Variants in GSK3B observed in about 807,000 individuals in gnomAD.
The protein encoded by GSK3B is glycogen synthase kinase-3 beta.
In GSK3B, 15 loss-of-function variants were observed where a neutral mutation model predicts 56.4. That is an observed-to-expected ratio of 0.27 (90% CI 0.18 to 0.41). The LOEUF is 0.41. GSK3B is among the 10% of genes least tolerant of loss of function. The probability of loss-of-function intolerance (pLI) is 1.00; values close to 1 mark genes in which losing one functional copy is unlikely to be tolerated. For synonymous variants in GSK3B, 181 were observed against 188.9 expected (o/e 0.96, Z 0.34); for missense variants, 300 against 513.4 (o/e 0.58, Z 4.02).
chr3:119,875,451 GTCTC>G (rs1015269833), intron 8 of GSK3B, among the ~76,000 whole-genome samples: 2 of 151,408 alleles, frequency 1.3e-5, no homozygotes, highest in African/African-American at 4.9e-5. Context: ...AATACAGTAA[GTCTC>G]TCCTTAAAAT....
chr3:120,018,001 T>A (rs1359469597), intron 1 of GSK3B, among the ~76,000 whole-genome samples: 1 of 152,188 alleles, frequency 6.6e-6, no homozygotes, highest in African/African-American at 2.4e-5. Context: ...GAGAAGATAA[T>A]GCAGTTAAAA....
intron 2 of GSK3B, among the ~76,000 whole-genome samples, chr3:119,988,230 A>G (rs1425275555): frequency 3.3e-5 from 5 of 152,224 alleles, no homozygotes; most frequent in Non-Finnish European, 7.3e-5. Flanking sequence ...CAGGAGACCA[A>G]TCTTTTTAAT....
intron 1 of GSK3B, among the ~76,000 whole-genome samples, chr3:120,057,438 C>G (rs1212881554): frequency 6.6e-6 from 1 of 152,070 alleles, no homozygotes; most frequent in Non-Finnish European, 1.5e-5. Flanking sequence ...TAAAGTTCTG[C>G]TACGAAAATA....
chr3:119,910,093 A>G (rs2056720916), intron 6 of GSK3B, among the ~76,000 whole-genome samples: 1 of 152,196 alleles, frequency 6.6e-6, no homozygotes, highest in Admixed American at 6.5e-5. Flanking sequence ...AAATTATCCA[A>G]CTAGTATAAT....
chr3:120,093,448 G>A lies in GSK3B; in HGVS notation c.-14C>T, dbSNP rs1450025397. On this transcript the variant is annotated 5_prime_UTR_variant, in exon 1 of 11. Transcript: ENST00000264235. ...CCGCCCTGACATGATCACTCTCTTC[G>A]CGAATCACCTTTTCCTTCCTTCCTC... 2 of 1,570,780 alleles carry A rather than the reference G, an allele frequency of 1.3e-6. No homozygotes were observed. Among genetic ancestry groups the A allele is most frequent in the African/African-American group, 1.4e-5 (1 of 74,068 alleles).
intron 1 of GSK3B, among the ~76,000 whole-genome samples, chr3:120,088,234 T>C (rs1199883058): frequency 2.6e-5 from 4 of 152,144 alleles, no homozygotes; most frequent in African/African-American, 9.7e-5. Flanking sequence ...TCAAATGCAT[T>C]ACAGACACAA....
chr3:120,070,291 A>G (rs1176196725), intron 1 of GSK3B, among the ~76,000 whole-genome samples: 1 of 151,658 alleles, frequency 6.6e-6, no homozygotes, highest in Non-Finnish European at 1.5e-5. Context: ...AAAAAAAAAG[A>G]GGATATAGAA....
intron 1 of GSK3B, among the ~76,000 whole-genome samples, chr3:120,032,645 C>G (rs1407343248): frequency 6.6e-6 from 1 of 152,076 alleles, no homozygotes; most frequent in African/African-American, 2.4e-5. Flanking sequence ...GAAACCCCTT[C>G]TCTAAAAAAT....
At chr3:120,076,894 C>G (rs925828972) in intron 1 of GSK3B, among the ~76,000 whole-genome samples, 1 of 145,086 alleles carries the variant, frequency 6.9e-6, no homozygotes, top group Non-Finnish European at 1.5e-5. Context: ...AAACGGCCAA[C>G]AGGTATATGA....
chr3:120,080,769 T>G (rs981563864), intron 1 of GSK3B, among the ~76,000 whole-genome samples: 1 of 151,684 alleles, frequency 6.6e-6, no homozygotes, highest in Non-Finnish European at 1.5e-5. Context: ...AGGCAGAGAT[T>G]GCAGTGAGCC....
chr3:119,842,497 G>A (rs148879946), intron 10 of GSK3B, among the ~76,000 whole-genome samples: 1 of 151,760 alleles, frequency 6.6e-6, no homozygotes, highest in African/African-American at 2.4e-5. Flanking sequence ...ATTTACATTC[G>A]AGGGGAAAAA....
chr3:119,863,672 G>A, intron 8 of GSK3B, 67 bp from the exon 9 acceptor site: 3 of 957,486 alleles, frequency 3.1e-6, no homozygotes, highest in Non-Finnish European at 3.2e-6. Context: ...AATACCCTGT[G>A]AATAATGACT....
At chr3:119,904,538 T>C (rs2056662967) in intron 7 of GSK3B, among the ~76,000 whole-genome samples, 1 of 152,172 alleles carries the variant, frequency 6.6e-6, no homozygotes, top group African/African-American at 2.4e-5. Flanking sequence ...CACACTGACA[T>C]CTAGCAAAAC....
intron 1 of GSK3B, among the ~76,000 whole-genome samples, chr3:120,026,536 C>CACACACACAA (rs2057927449): frequency 7.0e-6 from 1 of 143,342 alleles, no homozygotes; most frequent in Non-Finnish European, 1.5e-5. Context: ...CACACACACA[C>CACACACACAA]ACACACACAC....
intron 10 of GSK3B, among the ~76,000 whole-genome samples, chr3:119,834,967 G>T (rs962257811): frequency 6.6e-6 from 1 of 152,222 alleles, no homozygotes; most frequent in Non-Finnish European, 1.5e-5. Context: ...AAGTGAACCT[G>T]AAACCCTAAC....
intron 1 of GSK3B, among the ~76,000 whole-genome samples, chr3:120,060,923 T>C (rs531380140): frequency 3.9e-4 from 60 of 152,350 alleles, no homozygotes; most frequent in African/African-American, 1.3e-3. Flanking sequence ...TGTTTATTTA[T>C]GGTAATGCTT....
chr3:119,878,270 T>C (rs561900831), intron 7 of GSK3B, among the ~76,000 whole-genome samples: 50 of 152,254 alleles, frequency 3.3e-4, no homozygotes, highest in African/African-American at 1.2e-3. Flanking sequence ...ACTCTTATAA[T>C]TCAAAAATAA....
chr3:120,071,903 T>C (rs1332321219), intron 1 of GSK3B, among the ~76,000 whole-genome samples: 2 of 152,118 alleles, frequency 1.3e-5, no homozygotes, highest in Non-Finnish European at 2.9e-5. Flanking sequence ...GTCTAAAAAA[T>C]CCAACTATTA....
intron 8 of GSK3B, among the ~76,000 whole-genome samples, chr3:119,875,552 T>TTTAA (rs1032880395): frequency 6.9e-6 from 1 of 145,926 alleles, no homozygotes; most frequent in Non-Finnish European, 1.5e-5. Context: ...CACACAGAAG[T>TTTAA]TTAATCCCGG....
Sources: allele counts gnomAD v4.1 joint callset (sites outside exome capture counted in the v4.1 genomes callset), GRCh38; gene constraint gnomAD v4.1.1; transcripts MANE v1.5; gene names NCBI Gene and HGNC (gene_info 2026-07-23, HGNC 2026-07-21).